The following BHMT2 variants were observed in gnomAD, a reference collection of about 807,000 sequenced individuals.
The protein encoded by BHMT2 is S-methylmethionine--homocysteine S-methyltransferase BHMT2.
Under a neutral mutation model 39.0 loss-of-function variants are expected in BHMT2, and 28 were observed. The observed-to-expected ratio is 0.72, with a 90% confidence interval of 0.53 to 0.98. BHMT2 has a LOEUF of 0.98. Among genes scored for constraint, BHMT2 ranks in the 50% least tolerant of loss-of-function variants. The pLI is 0.00. For synonymous variants in BHMT2, 145 were observed against 160.6 expected (o/e 0.90, Z 0.74); for missense variants, 410 against 455.6 (o/e 0.90, Z 0.91).
intron 7 of BHMT2, among the ~76,000 whole-genome samples, chr5:79,087,014 G>GTGTGCATATATATATATATATA (rs1329456863): frequency 1.2e-4 from 14 of 118,308 alleles, no homozygotes; most frequent in African/African-American, 4.1e-4. Flanking sequence ...GTGTGTGTGT[G>GTGTGCATATATATATATATATA]TATATATATA....
Position 79,088,936 on chromosome 5 carries a change from C to A in BHMT2, c.*362C>A. 5.8e-6 allele frequency: 1 copy of A among 172,506 alleles called. No individual in the cohort carries two copies. The highest frequency in any genetic ancestry group is 6.2e-5 in the Admixed American group (1 of 16,132). 10.7% of individuals were successfully genotyped at this position (172,506 alleles called of 1,614,324 possible). On this transcript the variant is annotated 3_prime_UTR_variant, in exon 8 of 8. Transcript: ENST00000255192. ...TAAAATAATCAGAAGTCACTGAGAC[C>A]CAAAGCTAGTGAATAATTCAAGTGA...
At position 79,069,767 on chromosome 5, in the gene BHMT2, A is replaced by C; in HGVS notation, c.-16A>C. 7.1e-7 allele frequency: 1 copy of C among 1,407,116 alleles called. No individual in the cohort carries two copies. The highest frequency in any genetic ancestry group is 9.3e-7 in the Non-Finnish European group (1 of 1,073,176). 87.2% of individuals were successfully genotyped at this position (1,407,116 alleles called of 1,614,324 possible). ...CCGCGCGCCCGGGAACCCGGCGCCC[A>C]CAGAGCCGCGGCACCATGGCACCTG... On this transcript the variant is annotated 5_prime_UTR_variant, in exon 1 of 8. Coordinates refer to ENST00000255192, the MANE Select transcript of BHMT2 (RefSeq NM_017614.5).
chr5:79,088,420 A>G (rs1284173905), intron 7 of BHMT2, 73 bp from the exon 8 acceptor site: 1 of 1,048,416 alleles, frequency 9.5e-7, no homozygotes. Flanking sequence ...ATACATACAT[A>G]TATACATATA....
chr5:79,087,868 ATATAATTCATAAAAGTATG>A (rs1755930466), intron 7 of BHMT2, among the ~76,000 whole-genome samples: 1 of 152,210 alleles, frequency 6.6e-6, no homozygotes, highest in South Asian at 2.1e-4. Flanking sequence ...TTCAGAATAA[ATATAATTCATAAAAGTATG>A]TGAAATGTAA....
At chr5:79,074,949 G>A (rs1395895649) in intron 1 of BHMT2, among the ~76,000 whole-genome samples, 1 of 152,192 alleles carries the variant, frequency 6.6e-6, no homozygotes, top group Non-Finnish European at 1.5e-5. Flanking sequence ...ACGTGACTCT[G>A]ATCCAGTTTC....
chr5:79,070,882 A>G (rs671960), intron 1 of BHMT2, among the ~76,000 whole-genome samples: 79,205 of 152,066 alleles, frequency 0.52, 22,324 homozygotes, highest in East Asian at 0.65. Context: ...AATAATGGTA[A>G]TAGTTACACA....
chr5:79,082,099 A>C (rs968118112), intron 4 of BHMT2, among the ~76,000 whole-genome samples: 2 of 152,228 alleles, frequency 1.3e-5, no homozygotes, highest in Non-Finnish European at 2.9e-5. Flanking sequence ...CTGCTTCTGC[A>C]GAATTTGTTT....
intron 1 of BHMT2, among the ~76,000 whole-genome samples, chr5:79,076,345 C>G (rs1755671660): frequency 6.6e-6 from 1 of 152,034 alleles, no homozygotes; most frequent in Non-Finnish European, 1.5e-5. Context: ...TTGCTAGGGT[C>G]TTGAGGTTTT....
At position 79,088,550 on chromosome 5, in the gene BHMT2, T is replaced by C; in HGVS notation, c.1068T>C (p.Pro356=). Residue 356 remains proline, a synonymous_variant, in exon 8 of 8, where the codon CCT becomes CCC. Transcript: ENST00000255192. ...LLPASGRPFC[P]SLSKPDF ...CAGCTTCAGGCAGACCTTTCTGTCC[T>C]TCGCTGTCAAAGCCAGACTTCTAAG... is the stretch of plus-strand genomic sequence containing the variant. 1 of 1,614,122 alleles carries C rather than the reference T, an allele frequency of 6.2e-7. No individual in the cohort carries two copies. Among genetic ancestry groups the C allele is most frequent in the Non-Finnish European group, 8.5e-7 (1 of 1,179,982 alleles).
chr5:79,081,302 C>T (rs1006219635), intron 4 of BHMT2, among the ~76,000 whole-genome samples: 1 of 152,192 alleles, frequency 6.6e-6, no homozygotes, highest in Non-Finnish European at 1.5e-5. Context: ...CTAGGCCCCA[C>T]CAATAATGCT....
chr5:79,070,422 C>T (rs1281071760), intron 1 of BHMT2, among the ~76,000 whole-genome samples: 2 of 152,196 alleles, frequency 1.3e-5, no homozygotes, highest in African/African-American at 4.8e-5. Flanking sequence ...GTCCCCAGCT[C>T]CTGGCCCCTT....
At chr5:79,070,179 T>G (rs1755531476) in intron 1 of BHMT2, among the ~76,000 whole-genome samples, 1 of 152,128 alleles carries the variant, frequency 6.6e-6, no homozygotes, top group African/African-American at 2.4e-5. Flanking sequence ...CGCGCACACA[T>G]TTTCTTCCCT....
intron 2 of BHMT2, among the ~76,000 whole-genome samples, chr5:79,078,345 C>G (rs1477171271): frequency 1.3e-5 from 2 of 151,028 alleles, no homozygotes; most frequent in Admixed American, 6.6e-5. Context: ...AACTTTAATT[C>G]TCTTCTAACT....
chr5:79,078,218 T>C (rs1755715226), intron 2 of BHMT2: 1 of 148,122 alleles, frequency 6.8e-6, no homozygotes, highest in Non-Finnish European at 1.5e-5. Context: ...GTTCCAGGGT[T>C]GGGAGGGCAA....
chr5:79,081,367 C>G (rs1755786133), intron 4 of BHMT2, among the ~76,000 whole-genome samples: 1 of 152,208 alleles, frequency 6.6e-6, no homozygotes, highest in Non-Finnish European at 1.5e-5. Context: ...CTTCTTGCCT[C>G]TCTGCTTTCA....
In BHMT2 at chr5:79,088,751, G is replaced by T; in HGVS notation, c.*177G>T. 1.8e-6 allele frequency: 1 copy of T among 557,928 alleles called. No individual in the cohort carries two copies. The highest frequency in any genetic ancestry group is 3.3e-6 in the Non-Finnish European group (1 of 304,464). The allele number at this position is 557,928 out of a possible 1,614,324, so 34.6% of individuals were successfully genotyped here. Reference sequence around the variant, plus strand: ...ACAAGTGTGTGCATATTGAGCTCCTGCTGTGGTTAAGCACTGCAACAGACT... The same window carrying T: ...ACAAGTGTGTGCATATTGAGCTCCTTCTGTGGTTAAGCACTGCAACAGACT... On this transcript the variant is annotated 3_prime_UTR_variant, in exon 8 of 8. Transcript: ENST00000255192.
At chr5:79,077,865 A>T (rs1253372605) in intron 2 of BHMT2, 3 of 302,546 alleles carry the variant, frequency 9.9e-6, no homozygotes, top group Non-Finnish European at 1.9e-5. Context: ...CCACACACAC[A>T]CATCCATGCA....
At chr5:79,077,354 A>G (rs949665413) in intron 1 of BHMT2, 126 bp from the exon 2 acceptor site, 2 of 1,255,708 alleles carry the variant, frequency 1.6e-6, no homozygotes, top group Non-Finnish European at 2.2e-6. Flanking sequence ...ATATTATTAG[A>G]GCACATGATT....
chr5:79,088,276 C>A (rs1056446074), intron 7 of BHMT2, among the ~76,000 whole-genome samples: 1 of 151,782 alleles, frequency 6.6e-6, no homozygotes, highest in Non-Finnish European at 1.5e-5. Context: ...AGGCCCCTGG[C>A]ATTAATGGAT....
Sources: allele counts gnomAD v4.1 joint callset (sites outside exome capture counted in the v4.1 genomes callset), GRCh38; gene constraint gnomAD v4.1.1; transcripts MANE v1.5; gene names NCBI Gene and HGNC (gene_info 2026-07-23, HGNC 2026-07-21).